KCNH1: variants seen among roughly 807,000 people sequenced by gnomAD.
KCNH1 encodes the protein potassium voltage-gated channel subfamily H member 1.
A neutral mutation model predicts 69.2 loss-of-function variants in KCNH1; 27 were observed. The observed-to-expected ratio is 0.39, with a 90% CI of 0.29 to 0.54. The LOEUF is 0.54. Among genes scored for constraint, KCNH1 ranks in the 20% least tolerant of loss-of-function variants. The pLI is 0.68. For synonymous variants in KCNH1, 456 were observed against 487.7 expected (o/e 0.93, Z 0.86); for missense variants, 798 against 1,261.6 (o/e 0.63, Z 5.57).
chr1:211,039,521 C>T (rs183271774), intron 5 of KCNH1, among the ~76,000 whole-genome samples: 17 of 152,294 alleles, frequency 1.1e-4, no homozygotes, highest in Admixed American at 2.6e-4. Flanking sequence ...AGACACTCAA[C>T]GCCAGCCCAT....
chr1:210,944,826 C>T (rs1178577526), intron 6 of KCNH1, among the ~76,000 whole-genome samples: 2 of 152,222 alleles, frequency 1.3e-5, no homozygotes, highest in Non-Finnish European at 2.9e-5. Flanking sequence ...AGTACATTCA[C>T]AAGGTTGTAC....
intron 5 of KCNH1, among the ~76,000 whole-genome samples, chr1:211,031,476 T>C (rs1049785240): frequency 6.6e-6 from 1 of 152,176 alleles, no homozygotes; most frequent in Non-Finnish European, 1.5e-5. Flanking sequence ...CTGATGAACA[T>C]TGATGCAAAA....
At chr1:210,795,414 T>C (rs1487832955) in intron 9 of KCNH1, among the ~76,000 whole-genome samples, 3 of 152,154 alleles carry the variant, frequency 2.0e-5, no homozygotes, top group African/African-American at 7.2e-5. Flanking sequence ...CCTGAAGTGC[T>C]GGGATTACAG....
At chr1:210,950,857 T>C (rs990280561) in intron 6 of KCNH1, among the ~76,000 whole-genome samples, 2 of 152,214 alleles carry the variant, frequency 1.3e-5, no homozygotes, top group Admixed American at 6.5e-5. Flanking sequence ...GTGCTACTTA[T>C]TGAGTGGCCT....
chr1:210,797,904 A>G (rs1421376236), intron 8 of KCNH1, 144 bp from the exon 9 acceptor site: 8 of 879,920 alleles, frequency 9.1e-6, no homozygotes, highest in African/African-American at 1.7e-5. Context: ...TGGAGCTTAT[A>G]TTCTTATAGA....
intron 7 of KCNH1, among the ~76,000 whole-genome samples, chr1:210,886,255 G>A (rs1249708743): frequency 6.6e-6 from 1 of 152,196 alleles, no homozygotes; most frequent in East Asian, 1.9e-4. Context: ...GGCAAACAGG[G>A]TCTGGAGTGG....
intron 7 of KCNH1, among the ~76,000 whole-genome samples, chr1:210,873,762 C>T (rs1686304504): frequency 6.6e-6 from 1 of 151,876 alleles, no homozygotes; most frequent in Non-Finnish European, 1.5e-5. Context: ...CAGATACAGT[C>T]AATAGTAAAT....
rs147886990 is a variant in KCNH1, at chr1:210,689,484, C to T, written c.2113-5346G>A. ...TGGGGAGGGCACCCAAGTGGGAGCA[C>T]ATTTACTTAAAAGAACTCAGATTGT... On this transcript the variant is annotated intron_variant, in intron 10 of 10. Transcript: ENST00000271751. 3.5e-4 allele frequency among the ~76,000 whole-genome samples: 53 copies of T among 152,248 alleles called. 1 individual carries two copies. In the East Asian group the frequency reaches 9.9e-3, roughly 28 times the overall value.
At chr1:211,105,986 C>T (rs1408519476) in intron 2 of KCNH1, among the ~76,000 whole-genome samples, 5 of 152,276 alleles carry the variant, frequency 3.3e-5, no homozygotes, top group East Asian at 3.9e-4. Flanking sequence ...TTCTTATGAG[C>T]TCAAACATTT....
intron 6 of KCNH1, among the ~76,000 whole-genome samples, chr1:210,986,829 C>T (rs1688846436): frequency 1.3e-5 from 2 of 152,110 alleles, no homozygotes; most frequent in Admixed American, 6.5e-5. Context: ...GAATGTTGGC[C>T]TGTCTTGCTA....
intron 10 of KCNH1, among the ~76,000 whole-genome samples, chr1:210,688,484 A>T (rs555294968): frequency 1.4e-4 from 22 of 152,168 alleles, no homozygotes; most frequent in Non-Finnish European, 2.6e-4. Flanking sequence ...TCCCTCCAAA[A>T]ATCTGCTTCT....
chr1:210,850,836 A>T (rs1685684026), intron 7 of KCNH1, among the ~76,000 whole-genome samples: 1 of 152,172 alleles, frequency 6.6e-6, no homozygotes, highest in Non-Finnish European at 1.5e-5. Flanking sequence ...CCTGGGGGAG[A>T]TCAAAAGCCT....
chr1:210,984,062 G>A (rs946866099), intron 6 of KCNH1, among the ~76,000 whole-genome samples: 8 of 152,056 alleles, frequency 5.3e-5, no homozygotes, highest in African/African-American at 1.9e-4. Context: ...CTCATGATTT[G>A]GCTCTCTGTT....
intron 7 of KCNH1, among the ~76,000 whole-genome samples, chr1:210,867,085 G>A (rs904943632): frequency 6.6e-6 from 1 of 151,944 alleles, no homozygotes; most frequent in African/African-American, 2.4e-5. Context: ...AGAGAAAGTA[G>A]ATTAGTGGCT....
chr1:210,717,444 G>A (rs1682287995), intron 10 of KCNH1, among the ~76,000 whole-genome samples: 1 of 152,158 alleles, frequency 6.6e-6, no homozygotes, highest in Non-Finnish European at 1.5e-5. Flanking sequence ...CTGCTCTAAG[G>A]CAGAGGCTGA....
At chr1:211,007,321 C>T (rs1689303330) in intron 6 of KCNH1, among the ~76,000 whole-genome samples, 1 of 152,174 alleles carries the variant, frequency 6.6e-6, no homozygotes, top group African/African-American at 2.4e-5. Context: ...TCTATCAGAG[C>T]CAGATCACAG....
At position 210,804,103 on chromosome 1, in the gene KCNH1, G is replaced by A; in HGVS notation, c.1526C>T (p.Thr509Ile). Residue 509 changes from threonine (T) to isoleucine (I), a missense_variant, in exon 8 of 11, where the codon ACC becomes ATC. Coordinates refer to ENST00000271751, the MANE Select transcript of KCNH1 (RefSeq NM_172362.3). The part of the protein sequence containing the change: ...TTIFQQMYAN[T>I]NRYHEMLNSV... ...GTTGAGCATCTCATGGTATCTGTTG[G>A]TGTTGGCATACATCTGTTGGAAAAT... 1 of 1,614,182 alleles carries A rather than the reference G, an allele frequency of 6.2e-7. No homozygotes were observed. The highest frequency in any genetic ancestry group is 8.5e-7 in the Non-Finnish European group (1 of 1,180,014).
At chr1:210,861,655 T>C (rs1480805285) in intron 7 of KCNH1, 1 of 771,988 alleles carries the variant, frequency 1.3e-6, no homozygotes, top group Non-Finnish European at 2.4e-6. Context: ...GAGTATATAC[T>C]GAACAAGATC....
intron 1 of KCNH1, among the ~76,000 whole-genome samples, chr1:211,116,871 C>T (rs1181931054): frequency 2.0e-5 from 3 of 152,152 alleles, no homozygotes; most frequent in African/African-American, 7.2e-5. Context: ...CAAATGGCAC[C>T]ACTATCTTCT....
Sources: gnomAD v4.1 joint callset for allele counts (sites outside exome capture counted in the v4.1 genomes callset) on GRCh38, gnomAD v4.1.1 for gene constraint, MANE v1.5 for transcripts, NCBI Gene and HGNC (gene_info 2026-07-23, HGNC 2026-07-21) for gene names.